The following ASPH variants were observed in gnomAD, a reference collection of about 807,000 sequenced individuals.
ASPH encodes aspartyl/asparaginyl beta-hydroxylase.
ASPH carries 100 observed loss-of-function variants against 118.4 expected under a neutral mutation model. That is an observed-to-expected ratio of 0.84 (90% confidence interval 0.72 to 1.00). The LOEUF is 1.00. ASPH is among the 50% of genes least tolerant of loss of function. The pLI is 0.00. For synonymous variants in ASPH, 315 were observed against 325.6 expected (o/e 0.97, Z 0.35); for missense variants, 920 against 919.5 (o/e 1.00, Z -0.01).
chr8:61,642,785 T>C, intron 10 of ASPH, 103 bp downstream of exon 10: 2 of 1,018,266 alleles, frequency 2.0e-6, no homozygotes, highest in Non-Finnish European at 2.8e-6. Flanking sequence ...GCGGAGGTTG[T>C]AGTGGGCCAA....
At chr8:61,545,249 C>T (rs1823388797) in intron 21 of ASPH, among the ~76,000 whole-genome samples, 1 of 152,232 alleles carries the variant, frequency 6.6e-6, no homozygotes, top group African/African-American at 2.4e-5. Flanking sequence ...GAGCTGCCTT[C>T]TCTTTTCCAT....
chr8:61,578,137 A>T lies in ASPH; in HGVS notation c.1063-1279T>A, dbSNP rs575818230. 1.2e-3 allele frequency: 1,689 copies of T among 1,421,632 alleles called. 1 individual carries two copies. Among genetic ancestry groups the T allele is most frequent in the Non-Finnish European group, 1.5e-3 (1,610 of 1,074,862 alleles). The allele number at this position is 1,421,632 out of a possible 1,614,324, so 88.1% of individuals were successfully genotyped here. A position where few individuals can be genotyped will look rare whatever the true frequency, so the allele number is the denominator to read the frequency against. ...TAAATGCTCCCATTCAAAATGGGAG[A>T]AATTGGACCAAGAAGCAGCTTCTCC... On this transcript the variant is annotated intron_variant, in intron 15 of 24. Transcript: ENST00000379454.
Position 61,643,970 on chromosome 8 carries a change from C to T in ASPH, c.684G>A (p.Glu228=). 1.9e-6 allele frequency: 3 copies of T among 1,611,462 alleles called. No homozygotes were observed. Among genetic ancestry groups the T allele is most frequent in the Non-Finnish European group, 2.5e-6 (3 of 1,177,990 alleles). The change falls in exon 8 of 25, where the codon GAG becomes GAA. Residue 228 remains glutamate, a synonymous_variant. Transcript: ENST00000379454. ...CTGGATTTTCCTGCTCAGACATCAT[C>T]TCTTCCATATCCTGATTACAGTCTT... The part of the protein sequence containing the change: ...VSQDCNQDME[E]MMSEQENPDS...
chr8:61,678,658 G>T (rs534491756), intron 3 of ASPH, among the ~76,000 whole-genome samples: 14 of 152,070 alleles, frequency 9.2e-5, no homozygotes, highest in Admixed American at 2.0e-4. Context: ...AAAAACTGAT[G>T]AAATAAATGC....
chr8:61,636,975 CA>C (rs766346328), intron 12 of ASPH, among the ~76,000 whole-genome samples: 2 of 152,120 alleles, frequency 1.3e-5, no homozygotes, highest in Non-Finnish European at 2.9e-5. Flanking sequence ...CGGACACAGA[CA>C]GCAATTTTAG....
chr8:61,702,522 G>GTGA (rs1251191923), intron 1 of ASPH, among the ~76,000 whole-genome samples: 1 of 152,094 alleles, frequency 6.6e-6, no homozygotes, highest in Non-Finnish European at 1.5e-5. Context: ...TCCTGACCTT[G>GTGA]TGATCCACCG....
chr8:61,681,930 CATA>C (rs1185834609), intron 2 of ASPH, among the ~76,000 whole-genome samples: 1 of 151,864 alleles, frequency 6.6e-6, no homozygotes, highest in Non-Finnish European at 1.5e-5. Context: ...TGTGGAGAAA[CATA>C]ATAATGTTAA....
intron 18 of ASPH, among the ~76,000 whole-genome samples, chr8:61,561,071 GGAGAGAGGGAGGGAGGGAGGGAGGGAGA>G (rs1829665425): frequency 1.1e-5 from 1 of 91,588 alleles, no homozygotes; most frequent in South Asian, 5.0e-4. Flanking sequence ...ACGAAGGAAG[GGAGAGAGGGAGGGAGGGAGGGAGGGAGA>G]GAGGGAGGGA....
intron 16 of ASPH, among the ~76,000 whole-genome samples, chr8:61,574,011 C>A (rs963757927): frequency 2.3e-4 from 35 of 152,080 alleles, no homozygotes; most frequent in Non-Finnish European, 3.1e-4. Flanking sequence ...AAGAAAAAAA[C>A]AAACAACCCC....
intron 3 of ASPH, among the ~76,000 whole-genome samples, chr8:61,654,655 G>A (rs9283975): frequency 6.6e-6 from 1 of 152,068 alleles, no homozygotes; most frequent in South Asian, 2.1e-4. Context: ...TTTCTTTTAT[G>A]GACAAAAACA....
intron 6 of ASPH, 77 bp from the exon 7 acceptor site, chr8:61,644,709 A>G (rs1307083794): frequency 1.9e-6 from 2 of 1,041,216 alleles, no homozygotes; most frequent in Non-Finnish European, 2.7e-6. Flanking sequence ...TGTACTCTGA[A>G]TCTATGCTTA....
intron 21 of ASPH, among the ~76,000 whole-genome samples, chr8:61,538,427 ATAAAAG>A (rs1404115979): frequency 6.6e-6 from 1 of 152,244 alleles, no homozygotes; most frequent in Non-Finnish European, 1.5e-5. Context: ...TTACTTTTAC[ATAAAAG>A]TAAATTATAT....
intron 4 of ASPH, 122 bp from the exon 5 acceptor site, chr8:61,651,246 C>CA (rs1156399551): frequency 2.9e-6 from 2 of 693,470 alleles, no homozygotes; most frequent in Non-Finnish European, 4.7e-6. Context: ...AGCAACTCTG[C>CA]ATGCCTTCTC....
intron 1 of ASPH, among the ~76,000 whole-genome samples, chr8:61,697,548 C>G (rs1834216555): frequency 6.6e-6 from 1 of 152,304 alleles, no homozygotes. Context: ...AGTAGGTTGT[C>G]ACCTATACTT....
chr8:61,655,279 AG>A (rs1267374265), intron 3 of ASPH, among the ~76,000 whole-genome samples: 1 of 152,144 alleles, frequency 6.6e-6, no homozygotes, highest in Non-Finnish European at 1.5e-5. Context: ...AGAAGAGGGA[AG>A]GGGACTCACA....
At chr8:61,579,210 C>T in intron 15 of ASPH, 2 of 1,613,374 alleles carry the variant, frequency 1.2e-6, no homozygotes, top group South Asian at 1.1e-5. Flanking sequence ...GAGGGCTTCC[C>T]TGGAGGCCGC....
At chr8:61,541,996 G>C (rs747463593) in intron 21 of ASPH, among the ~76,000 whole-genome samples, 1 of 152,184 alleles carries the variant, frequency 6.6e-6, no homozygotes, top group Non-Finnish European at 1.5e-5. Context: ...CAGATTTTGA[G>C]GACAAGGAGA....
At chr8:61,565,876 G>A (rs561848905) in intron 17 of ASPH, among the ~76,000 whole-genome samples, 26 of 152,272 alleles carry the variant, frequency 1.7e-4, no homozygotes, top group East Asian at 7.7e-4. Context: ...AAAACCTGGG[G>A]CCCTTAAAAA....
chr8:61,517,428 G>A, intron 24 of ASPH, 100 bp downstream of exon 24: 1 of 1,485,820 alleles, frequency 6.7e-7, no homozygotes, highest in Non-Finnish European at 9.2e-7. Flanking sequence ...GTCTACTTCA[G>A]CTACAAAAGA....
Sources: allele counts gnomAD v4.1 joint callset (sites outside exome capture counted in the v4.1 genomes callset), GRCh38; gene constraint gnomAD v4.1.1; transcripts MANE v1.5; gene names NCBI Gene and HGNC (gene_info 2026-07-23, HGNC 2026-07-21).